URB1: variants seen among roughly 807,000 people sequenced by gnomAD.
The protein encoded by URB1 is nucleolar pre-ribosomal-associated protein 1.
Under a neutral mutation model 242.3 loss-of-function variants are expected in URB1, and 197 were observed. That is an observed-to-expected ratio of 0.81 (90% confidence interval 0.72 to 0.91). The LOEUF (loss-of-function observed/expected upper bound fraction) is 0.91, where lower values mean the gene tolerates loss of function less well. Ranked by LOEUF, URB1 falls within the 40% of genes least tolerant of loss-of-function variation. The probability of loss-of-function intolerance (pLI) is 0.00; values close to 1 mark genes in which losing one functional copy is unlikely to be tolerated. For missense variants in URB1, 2,721 were observed against 2,860.5 expected (o/e 0.95, Z 1.11); for synonymous variants, 1,153 against 1,201.8 (o/e 0.96, Z 0.84).
At chr21:32,358,509 C>A (rs1172597553) in intron 14 of URB1, among the ~76,000 whole-genome samples, 1 of 152,170 alleles carries the variant, frequency 6.6e-6, no homozygotes, top group Non-Finnish European at 1.5e-5. Context: ...AGCTCCAGAT[C>A]CCCAATTCAA....
chr21:32,315,691 A>G (rs2032671529), intron 38 of URB1, among the ~76,000 whole-genome samples: 1 of 152,252 alleles, frequency 6.6e-6, no homozygotes, highest in African/African-American at 2.4e-5. Flanking sequence ...AAGAATGACA[A>G]TGAAATTTGA....
chr21:32,382,366 T>C (rs537102509), intron 4 of URB1, among the ~76,000 whole-genome samples: 6 of 152,338 alleles, frequency 3.9e-5, no homozygotes, highest in Admixed American at 2.6e-4. Context: ...GGATAAAGCA[T>C]AGTATCTAAG....
At chr21:32,364,472 C>G (rs2033323366) in intron 10 of URB1, among the ~76,000 whole-genome samples, 1 of 152,216 alleles carries the variant, frequency 6.6e-6, no homozygotes, top group Admixed American at 6.5e-5. Flanking sequence ...GGTTTACTTT[C>G]AGCTCAATAA....
intron 18 of URB1, among the ~76,000 whole-genome samples, chr21:32,353,421 G>A (rs1423085345): frequency 6.6e-6 from 1 of 152,156 alleles, no homozygotes; most frequent in Non-Finnish European, 1.5e-5. Flanking sequence ...CAGCCAACCA[G>A]AAGAGCCACC....
intron 38 of URB1, 54 bp downstream of exon 38, chr21:32,316,412 C>A: frequency 6.9e-7 from 1 of 1,458,712 alleles, no homozygotes. Context: ...CTCCTGCCCC[C>A]AGGCCCACTT....
intron 4 of URB1, among the ~76,000 whole-genome samples, chr21:32,380,453 T>A (rs1163681909): frequency 1.3e-5 from 2 of 152,238 alleles, no homozygotes; most frequent in Non-Finnish European, 2.9e-5. Flanking sequence ...TTGCATCCAA[T>A]GATCACTGGT....
intron 26 of URB1, 56 bp from the exon 27 acceptor site, chr21:32,337,570 C>T (rs552764649): frequency 6.9e-7 from 1 of 1,445,934 alleles, no homozygotes; most frequent in South Asian, 1.3e-5. Flanking sequence ...CACTGAATAC[C>T]AGAAGAGGAG....
intron 28 of URB1, among the ~76,000 whole-genome samples, chr21:32,336,009 T>TG (rs2032954996): frequency 6.6e-6 from 1 of 152,122 alleles, no homozygotes; most frequent in African/African-American, 2.4e-5. Context: ...GCTGGAACAA[T>TG]GCTGCACTGT....
intron 25 of URB1, 39 bp downstream of exon 25, chr21:32,341,427 C>T (rs1196827864): frequency 9.7e-6 from 15 of 1,545,258 alleles, no homozygotes; most frequent in Non-Finnish European, 1.3e-5. Context: ...GACATTCACA[C>T]CTTTACCGAA....
At chr21:32,381,953 A>G (rs2033531774) in intron 4 of URB1, among the ~76,000 whole-genome samples, 1 of 152,348 alleles carries the variant, frequency 6.6e-6, no homozygotes, top group African/African-American at 2.4e-5. Flanking sequence ...CATATAAGAT[A>G]TCTAAGATAC....
Position 32,353,948 on chromosome 21 carries a change from T to C in URB1, c.2401A>G (p.Thr801Ala). 6.4e-7 allele frequency: 1 copy of C among 1,551,742 alleles called. No individual in the cohort carries two copies. Among genetic ancestry groups the C allele is most frequent in the Non-Finnish European group, 8.7e-7 (1 of 1,147,006 alleles). ...LEARNKLLLG[T>A]GNEAAENVVT... ...ACATAGGTACCTGCTTCATTGCCTG[T>C]CCCAAGGAGCAACTTATTCCTGGCT... The change falls in exon 18 of 39, where the codon ACA becomes GCA. Residue 801 changes from threonine (T) to alanine (A), a missense_variant. Physicochemically the swap from Thr to Ala is moderately conservative, Grantham distance 58. Coordinates refer to ENST00000382751, the MANE Select transcript of URB1 (RefSeq NM_014825.3).
Position 32,392,756 on chromosome 21 carries a change from G to A in URB1, c.142+13C>T. On this transcript the variant is annotated intron_variant, in intron 1 of 38. Transcript: ENST00000382751. Reference sequence around the variant, plus strand: ...CTGTGCTCCCGACCCTGCGCCTGCCGCCCCGGACTCACCTGGCCCGGGGCC... The same window carrying A: ...CTGTGCTCCCGACCCTGCGCCTGCCACCCCGGACTCACCTGGCCCGGGGCC... 1.4e-6 allele frequency: 2 copies of A among 1,443,088 alleles called. No homozygotes were observed. The highest frequency in any genetic ancestry group is 1.5e-5 in the African/African-American group (1 of 68,120). The allele number at this position is 1,443,088 out of a possible 1,614,324, so 89.4% of individuals were successfully genotyped here.
At chr21:32,359,136 T>C (rs1173021093) in intron 14 of URB1, among the ~76,000 whole-genome samples, 1 of 152,200 alleles carries the variant, frequency 6.6e-6, no homozygotes, top group Non-Finnish European at 1.5e-5. Context: ...TGGTTCCATA[T>C]AAGATCTAAG....
chr21:32,311,742 T>G lies in URB1; in HGVS notation c.*3176A>C. The stretch of plus-strand genomic sequence containing the variant: ...GAGTCACGGCCTCAACCTCCACCTC[T>G]GCATCCAGAAGTGCCTGCCGTGCCA... On this transcript the variant is annotated 3_prime_UTR_variant, in exon 39 of 39. Coordinates refer to ENST00000382751, the MANE Select transcript of URB1 (RefSeq NM_014825.3). 1.9e-6 allele frequency: 3 copies of G among 1,614,062 alleles called. No homozygotes were observed. Among genetic ancestry groups the G allele is most frequent in the South Asian group, 2.2e-5 (2 of 91,068 alleles).
At chr21:32,387,231 C>G (rs1299644474) in intron 1 of URB1, among the ~76,000 whole-genome samples, 2 of 152,166 alleles carry the variant, frequency 1.3e-5, no homozygotes, top group East Asian at 3.9e-4. Context: ...ACCCTACCAA[C>G]TGGGAGCCAC....
chr21:32,323,915 A>T lies in URB1; in HGVS notation c.5233+576T>A, dbSNP rs563224216. On this transcript the variant is annotated intron_variant, in intron 32 of 38. Transcript: ENST00000382751. ...GAGGTCGAGGTTGCAGTGAGCCGAG[A>T]TCATGCCACTGCACTCCAGCCTGGG... Among the ~76,000 whole-genome samples, 232 of 152,284 alleles carry T rather than the reference A, an allele frequency of 1.5e-3. 1 individual carries two copies. The highest frequency in any genetic ancestry group is 5.4e-3 in the African/African-American group (225 of 41,544).
chr21:32,316,340 AC>A, intron 38 of URB1, 125 bp downstream of exon 38: 3 of 1,394,590 alleles, frequency 2.2e-6, no homozygotes, highest in South Asian at 1.6e-5. Context: ...GGCCACCTAA[AC>A]AAGCACAATA....
intron 19 of URB1, among the ~76,000 whole-genome samples, chr21:32,352,009 C>CACTT (rs2033163869): frequency 6.6e-6 from 1 of 152,190 alleles, no homozygotes; most frequent in African/African-American, 2.4e-5. Context: ...ACACATAGTA[C>CACTT]ACTTAGTACA....
rs2033094239 is a variant in URB1, at chr21:32,347,036, C to T, written c.3788G>A (p.Gly1263Glu). 1 of 1,549,790 alleles carries T rather than the reference C, an allele frequency of 6.5e-7. No homozygotes were observed. Among genetic ancestry groups the T allele is most frequent in the Non-Finnish European group, 8.7e-7 (1 of 1,145,876 alleles). ...GAGGGGAAGGAAGTCGTCCAGGTCC[C>T]CCTGGAGGCCGAGCCCTGGGCCAGC... ...LQAGPGLGLQ[G>E]DLDDFLPLIH... Residue 1263 changes from glycine (G) to glutamate (E), a missense_variant, in exon 22 of 39, where the codon GGG becomes GAG. Coordinates refer to ENST00000382751, the MANE Select transcript of URB1 (RefSeq NM_014825.3).
Sources: gnomAD v4.1 joint callset for allele counts (sites outside exome capture counted in the v4.1 genomes callset) on GRCh38, gnomAD v4.1.1 for gene constraint, MANE v1.5 for transcripts, NCBI Gene and HGNC (gene_info 2026-07-23, HGNC 2026-07-21) for gene names.